CLSTN2: variants seen among roughly 807,000 people sequenced by gnomAD.
CLSTN2 encodes calsyntenin 2.
CLSTN2 carries 48 observed loss-of-function variants against 101.2 expected under a neutral mutation model. The observed-to-expected ratio is 0.47, with a 90% CI of 0.38 to 0.60. CLSTN2 has a LOEUF of 0.60. CLSTN2 is among the 20% of genes least tolerant of loss of function. The pLI is 0.00. For missense variants in CLSTN2, 1,160 were observed against 1,238.2 expected, an observed-to-expected ratio of 0.94 and a Z score of 0.95; for synonymous variants, 481 against 463.6, an observed-to-expected ratio of 1.04 and a Z score of -0.48.
At chr3:139,941,956 A>T (rs1935139173) in intron 1 of CLSTN2, among the ~76,000 whole-genome samples, 1 of 152,204 alleles carries the variant, frequency 6.6e-6, no homozygotes, top group Non-Finnish European at 1.5e-5. Context: ...ACAGAGGAGT[A>T]AACTGAGTCA....
chr3:140,351,740 C>G lies in CLSTN2; in HGVS notation c.233-51889C>G, dbSNP rs915992221. Reference sequence around the variant, plus strand: ...CTGTTGGTGGAGCAAAGATATATAGCCTTAAAGGGTCATATAATCATCTTT... The same window carrying G: ...CTGTTGGTGGAGCAAAGATATATAGGCTTAAAGGGTCATATAATCATCTTT... On this transcript the variant is annotated intron_variant, in intron 2 of 16. Transcript: ENST00000458420. 2.6e-5 allele frequency among the ~76,000 whole-genome samples: 4 copies of G among 151,868 alleles called. No homozygotes were observed. In the South Asian group the frequency reaches 8.3e-4, roughly 32 times the overall value.
intron 10 of CLSTN2, among the ~76,000 whole-genome samples, chr3:140,548,860 G>T (rs1935655751): frequency 6.6e-6 from 1 of 152,036 alleles, no homozygotes; most frequent in Non-Finnish European, 1.5e-5. Flanking sequence ...CATATGTGGG[G>T]TTTAGGATGC....
At chr3:140,554,806 G>T (rs533698619) in intron 10 of CLSTN2, among the ~76,000 whole-genome samples, 46 of 152,164 alleles carry the variant, frequency 3.0e-4, no homozygotes, top group African/African-American at 1.1e-3. Context: ...TACTAAAAAA[G>T]AATAAGGAAG....
chr3:140,326,135 C>T (rs11916982), intron 2 of CLSTN2, among the ~76,000 whole-genome samples: 9,234 of 152,242 alleles, frequency 0.061, 375 homozygotes, highest in East Asian at 0.16. Context: ...TCTCTGCTGC[C>T]GGGTGCTGTG....
At chr3:140,285,039 T>C (rs750900635) in intron 2 of CLSTN2, among the ~76,000 whole-genome samples, 5 of 151,938 alleles carry the variant, frequency 3.3e-5, no homozygotes, top group African/African-American at 7.3e-5. Context: ...GAAAAGCCAA[T>C]ACAAAAGGGC....
intron 4 of CLSTN2, among the ~76,000 whole-genome samples, chr3:140,407,966 A>C (rs572403438): frequency 1.8e-4 from 27 of 152,324 alleles, no homozygotes; most frequent in African/African-American, 6.5e-4. Flanking sequence ...GGGCGATGTC[A>C]GCAAAAAGGC....
At chr3:140,079,283 A>G (rs143000512) in intron 1 of CLSTN2, among the ~76,000 whole-genome samples, 17 of 152,290 alleles carry the variant, frequency 1.1e-4, no homozygotes, top group African/African-American at 3.8e-4. Flanking sequence ...AAAGAGTTGT[A>G]TGGTGTATGT....
chr3:140,230,602 A>G (rs1204028479), intron 2 of CLSTN2, among the ~76,000 whole-genome samples: 1 of 152,210 alleles, frequency 6.6e-6, no homozygotes, highest in Non-Finnish European at 1.5e-5. Context: ...TGTCAGACAT[A>G]TTGAAAAGAG....
chr3:140,422,644 A>T lies in CLSTN2; in HGVS notation c.787+1370A>T, dbSNP rs192432037. Among the ~76,000 whole-genome samples, 18 of 152,362 alleles carry T rather than the reference A, an allele frequency of 1.2e-4. No individual in the cohort carries two copies. In the East Asian group the frequency reaches 3.5e-3, roughly 29 times the overall value. ...ACATGAGAGGTAAAGAACAAAGCAG[A>T]GTCATCTTTGTGTCAGTCTGTTAGG... On this transcript the variant is annotated intron_variant, in intron 5 of 16. Transcript: ENST00000458420.
At chr3:139,988,303 A>G (rs757819035) in intron 1 of CLSTN2, among the ~76,000 whole-genome samples, 80 of 152,060 alleles carry the variant, frequency 5.3e-4, no homozygotes, top group Non-Finnish European at 1.3e-4. Flanking sequence ...AGGGGGAAAA[A>G]CAGGCAAATT....
chr3:140,402,815 A>T (rs113656990), intron 2 of CLSTN2, among the ~76,000 whole-genome samples: 14 of 152,314 alleles, frequency 9.2e-5, no homozygotes, highest in African/African-American at 3.4e-4. Context: ...GATTTAAGCC[A>T]ATCAGTTAGT....
In CLSTN2 at chr3:140,166,353, C is replaced by G. The variant is rs149779119; in HGVS notation, c.110-9598C>G. ...GAAGTTGAGCATGGCAGGCAAAAGA[C>G]CAGCCTGACAATTGGAATAATATAT... On this transcript the variant is annotated intron_variant, in intron 1 of 16. Transcript: ENST00000458420. 5.8e-3 allele frequency among the ~76,000 whole-genome samples: 882 copies of G among 152,248 alleles called. 2 individuals carry two copies. The highest frequency in any genetic ancestry group is 0.02 in the African/African-American group (846 of 41,538).
intron 2 of CLSTN2, among the ~76,000 whole-genome samples, chr3:140,185,954 G>T (rs938381419): frequency 2.6e-5 from 4 of 152,134 alleles, no homozygotes; most frequent in African/African-American, 9.7e-5. Context: ...TCTATCTCTT[G>T]AGATGGGTGA....
chr3:140,419,974 C>T (rs550625606), intron 4 of CLSTN2, among the ~76,000 whole-genome samples: 3 of 149,188 alleles, frequency 2.0e-5, no homozygotes, highest in East Asian at 4.0e-4. Flanking sequence ...CTCACTACAA[C>T]CTCCACTTTC....
At chr3:140,219,608 T>A (rs2086248704) in intron 2 of CLSTN2, among the ~76,000 whole-genome samples, 1 of 152,178 alleles carries the variant, frequency 6.6e-6, no homozygotes, top group Admixed American at 6.5e-5. Context: ...GTAAATACAG[T>A]GGGAGGCCTC....
At chr3:140,133,365 T>C (rs189537710) in intron 1 of CLSTN2, among the ~76,000 whole-genome samples, 29 of 152,284 alleles carry the variant, frequency 1.9e-4, no homozygotes, top group Admixed American at 1.8e-3. Flanking sequence ...AGAGGATAAA[T>C]ATCCAAACCA....
intron 1 of CLSTN2, among the ~76,000 whole-genome samples, chr3:139,968,781 A>G (rs1300647313): frequency 1.3e-5 from 2 of 152,250 alleles, no homozygotes; most frequent in East Asian, 3.8e-4. Flanking sequence ...TGGAAAAACT[A>G]TAAAAAAGAA....
At chr3:140,477,507 A>C (rs1300485914) in intron 8 of CLSTN2, among the ~76,000 whole-genome samples, 1 of 152,208 alleles carries the variant, frequency 6.6e-6, no homozygotes, top group Non-Finnish European at 1.5e-5. Context: ...GGAAACTAGC[A>C]TTTTTGAGAG....
chr3:140,237,958 A>G (rs551468134), intron 2 of CLSTN2, among the ~76,000 whole-genome samples: 23 of 152,306 alleles, frequency 1.5e-4, no homozygotes, highest in African/African-American at 4.6e-4. Flanking sequence ...TCTCAAAAGC[A>G]TTTCTGTAAA....
Sources: gnomAD v4.1 joint callset for allele counts (sites outside exome capture counted in the v4.1 genomes callset) on GRCh38, gnomAD v4.1.1 for gene constraint, MANE v1.5 for transcripts, NCBI Gene and HGNC (gene_info 2026-07-23, HGNC 2026-07-21) for gene names.